Variants in CNTF observed in about 807,000 individuals in gnomAD.
The protein encoded by CNTF is Ciliary Neuronotrophic Factor.
In CNTF, 14 loss-of-function variants were observed where a neutral mutation model predicts 13.0. The observed-to-expected ratio is 1.07, with a 90% CI of 0.71 to 1.68. CNTF has a LOEUF of 1.68. CNTF is among the 40% of genes most tolerant of loss of function. CNTF has a pLI of 0.00. For missense variants in CNTF, 283 were observed against 252.5 expected (o/e 1.12, Z -0.82); for synonymous variants, 98 against 92.4 (o/e 1.06, Z -0.35).
In CNTF at chr11:58,624,192, A is replaced by G; in HGVS notation, c.273A>G (p.Leu91=). 6.2e-7 allele frequency: 1 copy of G among 1,614,024 alleles called. No homozygotes were observed. The highest frequency in any genetic ancestry group is 1.3e-5 in the African/African-American group (1 of 74,986). Residue 91 remains leucine (L), a synonymous_variant, in exon 2 of 2, where the codon TTA becomes TTG. Transcript: ENST00000361987. ...RTFHVLLARL[L]EDQQVHFTPT... Reference sequence around the variant, plus strand: ...TCCATGTTTTGTTGGCCAGGCTCTTAGAAGACCAGCAGGTGCATTTTACCC... The same window carrying G: ...TCCATGTTTTGTTGGCCAGGCTCTTGGAAGACCAGCAGGTGCATTTTACCC...
In CNTF at chr11:58,624,365, G is replaced by C. The variant is rs764402812; in HGVS notation, c.446G>C (p.Gly149Ala). 1.9e-6 allele frequency: 3 copies of C among 1,613,904 alleles called. No homozygotes were observed. Among genetic ancestry groups the C allele is most frequent in the Non-Finnish European group, 2.5e-6 (3 of 1,180,020 alleles). ...ADGMPINVGD[G>A]GLFEKKLWGL... ...GGGATGCCTATTAATGTTGGAGATG[G>C]TGGTCTCTTTGAGAAGAAGCTGTGG... Residue 149 changes from glycine (G) to alanine (A), a missense_variant, in exon 2 of 2, where the codon GGT (glycine) becomes GCT (alanine). Transcript: ENST00000361987.
intron 1 of CNTF, among the ~76,000 whole-genome samples, chr11:58,623,695 A>G (rs1855885578): frequency 6.6e-6 from 1 of 152,212 alleles, no homozygotes; most frequent in African/African-American, 2.4e-5. Flanking sequence ...AAGTATGTTT[A>G]AAAATACTTT....
Position 58,624,810 on chromosome 11 carries a change from C to T in CNTF, c.*288C>T. ...GAGTGGGAGCAGGGACAACGTCCTT[C>T]CACTTCAGGGTTCTAACCTTTCTAA... On this transcript the variant is annotated 3_prime_UTR_variant, in exon 2 of 2. Transcript: ENST00000361987. The T allele has an allele frequency of 2.6e-6, 1 of 388,764 alleles. No homozygotes were observed. Among genetic ancestry groups the T allele is most frequent in the Admixed American group, 4.0e-5 (1 of 25,044 alleles). The allele number at this position is 388,764 out of a possible 1,614,324, so 24.1% of individuals were successfully genotyped here.
rs1855897754 is a variant in CNTF, at chr11:58,624,318, G to C, written c.399G>C (p.Lys133Asn). The C allele has an allele frequency of 2.5e-6, 4 of 1,613,700 alleles. No homozygotes were observed. Among genetic ancestry groups the C allele is most frequent in the Non-Finnish European group, 2.5e-6 (3 of 1,179,970 alleles). The change falls in exon 2 of 2, where the codon AAG (lysine) becomes AAC (asparagine). Residue 133 changes from lysine (K) to asparagine (N), a missense_variant. Transcript: ENST00000361987. ...IEELMILLEY[K>N]IPRNEADGMP... ...AGTTAATGATACTCCTGGAATACAA[G>C]ATCCCCCGCAATGAGGCTGATGGGA...
At position 58,624,942 on chromosome 11, in the gene CNTF, G is replaced by T; in HGVS notation, c.*420G>T. The T allele has an allele frequency of 5.4e-6, 1 of 183,770 alleles. No individual in the cohort carries two copies. The highest frequency in any genetic ancestry group is 1.5e-4 in the East Asian group (1 of 6,562). The allele number at this position is 183,770 out of a possible 1,614,324, so 11.4% of individuals were successfully genotyped here. A position where few individuals can be genotyped will look rare whatever the true frequency, so the allele number is the denominator to read the frequency against. Reference sequence around the variant, plus strand: ...TCTGAGAAGATTCAATTTAAAATCAGACTCTTTAGTTGATTTAAACTCTTA... The same window carrying T: ...TCTGAGAAGATTCAATTTAAAATCATACTCTTTAGTTGATTTAAACTCTTA... On this transcript the variant is annotated 3_prime_UTR_variant, in exon 2 of 2. Coordinates refer to ENST00000361987, the MANE Select transcript of CNTF (RefSeq NM_000614.4).
At position 58,624,651 on chromosome 11, in the gene CNTF, T is replaced by C. The variant is rs1855905634; in HGVS notation, c.*129T>C. On this transcript the variant is annotated 3_prime_UTR_variant, in exon 2 of 2. Coordinates refer to ENST00000361987, the MANE Select transcript of CNTF (RefSeq NM_000614.4). Reference sequence around the variant, plus strand: ...ACAGGCATTTTCTTTCTTTTTTCTCTGACCACCTGCAGCCTGTTGAAGGAC... The same window carrying C: ...ACAGGCATTTTCTTTCTTTTTTCTCCGACCACCTGCAGCCTGTTGAAGGAC... 9.1e-7 allele frequency: 1 copy of C among 1,097,062 alleles called. No individual in the cohort carries two copies. The highest frequency in any genetic ancestry group is 1.6e-5 in the African/African-American group (1 of 63,860). 68.0% of individuals were successfully genotyped at this position (1,097,062 alleles called of 1,614,324 possible).
In CNTF at chr11:58,622,770, T is replaced by G. The variant is rs1181197228; in HGVS notation, c.18T>G (p.His6Gln). The G allele has an allele frequency of 6.2e-7, 1 of 1,613,932 alleles. No individual in the cohort carries two copies. Among genetic ancestry groups the G allele is most frequent in the South Asian group, 1.1e-5 (1 of 91,062 alleles). The change falls in exon 1 of 2, where the codon CAT becomes CAG. Residue 6 changes from histidine (H) to glutamine (Q), a missense_variant. Physicochemically the swap from His to Gln is conservative, Grantham distance 24. Transcript: ENST00000361987. ...GTTAAGGGATGGCTTTCACAGAGCA[T>G]TCACCGCTGACCCCTCACCGTCGGG... MAFTEHSPLTPHRRDL... is the reference protein window; with the variant it reads MAFTEQSPLTPHRRDL...
Position 58,624,190 on chromosome 11 carries a change from T to C in CNTF, c.271T>C (p.Leu91=). The C allele has an allele frequency of 6.2e-7, 1 of 1,614,018 alleles. No homozygotes were observed. The highest frequency in any genetic ancestry group is 8.5e-7 in the Non-Finnish European group (1 of 1,179,990). ...RTFHVLLARL[L]EDQQVHFTPT... is the part of the protein sequence containing the mutation. ...CTTCCATGTTTTGTTGGCCAGGCTC[T>C]TAGAAGACCAGCAGGTGCATTTTAC... Residue 91 remains leucine, a synonymous_variant, in exon 2 of 2, where the codon TTA becomes CTA. Transcript: ENST00000361987.
In CNTF at chr11:58,624,201, G is replaced by C; in HGVS notation, c.282G>C (p.Gln94His). ...TGTTGGCCAGGCTCTTAGAAGACCA[G>C]CAGGTGCATTTTACCCCAACCGAAG... ...HVLLARLLED[Q>H]QVHFTPTEGD... is the part of the protein sequence containing the mutation. Residue 94 changes from glutamine to histidine, a missense_variant, in exon 2 of 2, where the codon CAG (glutamine) becomes CAC (histidine). By Grantham distance (24) the Gln-to-His change is conservative. Transcript: ENST00000361987. The C allele has an allele frequency of 6.2e-7, 1 of 1,614,000 alleles. No individual in the cohort carries two copies. Among genetic ancestry groups the C allele is most frequent in the African/African-American group, 1.3e-5 (1 of 74,974 alleles).
At position 58,624,728 on chromosome 11, in the gene CNTF, A is replaced by T. The variant is rs1178173307; in HGVS notation, c.*206A>T. 1 of 562,770 alleles carries T rather than the reference A, an allele frequency of 1.8e-6. No homozygotes were observed. The highest frequency in any genetic ancestry group is 3.1e-6 in the Non-Finnish European group (1 of 322,348). The allele number at this position is 562,770 out of a possible 1,614,324, so 34.9% of individuals were successfully genotyped here. ...GGAGACATACACAAATGGGCATACA[A>T]GTTTAGCCTGGGGGGTGTGATTTGT... On this transcript the variant is annotated 3_prime_UTR_variant, in exon 2 of 2. Coordinates refer to ENST00000361987, the MANE Select transcript of CNTF (RefSeq NM_000614.4).
rs1454303564 is a variant in CNTF, at chr11:58,624,790, G to A, written c.*268G>A. On this transcript the variant is annotated 3_prime_UTR_variant, in exon 2 of 2. Transcript: ENST00000361987. ...CATGTGCTGCAGGTGTAAGAGAGTGGGAGCAGGGACAACGTCCTTCCACTT... is the reference window on the plus strand; with the variant it reads ...CATGTGCTGCAGGTGTAAGAGAGTGAGAGCAGGGACAACGTCCTTCCACTT... The A allele has an allele frequency of 2.4e-6, 1 of 421,446 alleles. No homozygotes were observed. Among genetic ancestry groups the A allele is most frequent in the Non-Finnish European group, 4.4e-6 (1 of 228,238 alleles). The allele number at this position is 421,446 out of a possible 1,614,324, so 26.1% of individuals were successfully genotyped here.
At position 58,624,336 on chromosome 11, in the gene CNTF, T is replaced by C. The variant is rs1855898209; in HGVS notation, c.417T>C (p.Ala139=). The part of the protein sequence containing the change: ...LLEYKIPRNE[A]DGMPINVGDG... ...AATACAAGATCCCCCGCAATGAGGC[T>C]GATGGGATGCCTATTAATGTTGGAG... The change falls in exon 2 of 2, where the codon GCT becomes GCC. Residue 139 remains alanine (A), a synonymous_variant. Transcript: ENST00000361987. 1.2e-6 allele frequency: 2 copies of C among 1,613,852 alleles called. No homozygotes were observed. The highest frequency in any genetic ancestry group is 1.7e-6 in the Non-Finnish European group (2 of 1,179,974).
chr11:58,622,806 C>T lies in CNTF; in HGVS notation c.54C>T (p.Ser18=). The T allele has an allele frequency of 6.2e-7, 1 of 1,614,058 alleles. No homozygotes were observed. The highest frequency in any genetic ancestry group is 1.1e-5 in the South Asian group (1 of 91,068). ...PLTPHRRDLC[S]RSIWLARKIR... is the part of the protein sequence containing the mutation. Reference sequence around the variant, plus strand: ...CCCCTCACCGTCGGGACCTCTGTAGCCGCTCTATCTGGCTAGCAAGGAAGA... The same window carrying T: ...CCCCTCACCGTCGGGACCTCTGTAGTCGCTCTATCTGGCTAGCAAGGAAGA... The change falls in exon 1 of 2, where the codon AGC becomes AGT. Residue 18 remains serine, a synonymous_variant. Transcript: ENST00000361987.
chr11:58,622,924 T>C, intron 1 of CNTF, 58 bp downstream of exon 1: 2 of 1,195,492 alleles, frequency 1.7e-6, no homozygotes, highest in Non-Finnish European at 2.5e-6. Flanking sequence ...ATCCAGCAAC[T>C]TACCATCACG....
At position 58,624,423 on chromosome 11, in the gene CNTF, G is replaced by T; in HGVS notation, c.504G>T (p.Trp168Cys). Residue 168 changes from tryptophan to cysteine, a missense_variant, in exon 2 of 2, where the codon TGG (tryptophan) becomes TGT (cysteine). By Grantham distance (215) the Trp-to-Cys change is radical. Coordinates refer to ENST00000361987, the MANE Select transcript of CNTF (RefSeq NM_000614.4). The part of the protein sequence containing the change: ...GLKVLQELSQ[W>C]TVRSIHDLRF... ...AGGTGCTGCAGGAGCTTTCACAGTG[G>T]ACAGTAAGGTCCATCCATGACCTTC... The T allele has an allele frequency of 1.2e-6, 2 of 1,613,996 alleles. No individual in the cohort carries two copies.
Position 58,624,868 on chromosome 11 carries a change from C to T in CNTF, c.*346C>T. The T allele has an allele frequency of 7.3e-6, 2 of 272,788 alleles. No homozygotes were observed. The highest frequency in any genetic ancestry group is 8.6e-5 in the South Asian group (2 of 23,360). The allele number at this position is 272,788 out of a possible 1,614,324, so 16.9% of individuals were successfully genotyped here. A position where few individuals can be genotyped will look rare whatever the true frequency, so the allele number is the denominator to read the frequency against. On this transcript the variant is annotated 3_prime_UTR_variant, in exon 2 of 2. Transcript: ENST00000361987. The stretch of plus-strand genomic sequence containing the variant: ...AGTAACCTCTACAGGCATTTAACTG[C>T]CTTACAGACAGAATATACATATGTT...
chr11:58,624,402 G>A lies in CNTF; in HGVS notation c.483G>A (p.Val161=), dbSNP rs766490076. ...LFEKKLWGLK[V]LQELSQWTVR... is the part of the protein sequence containing the mutation. ...AGAAGAAGCTGTGGGGCCTAAAGGT[G>A]CTGCAGGAGCTTTCACAGTGGACAG... Residue 161 remains valine, a synonymous_variant, in exon 2 of 2, where the codon GTG becomes GTA. Transcript: ENST00000361987. 7 of 1,613,878 alleles carry A rather than the reference G, an allele frequency of 4.3e-6. No individual in the cohort carries two copies. The Admixed American group carries it at 6.7e-5, about 15-fold the overall frequency.
At position 58,625,267 on chromosome 11, in the gene CNTF, T is replaced by C. The variant is rs1855915356; in HGVS notation, c.*745T>C. 1.3e-5 allele frequency: 2 copies of C among 152,256 alleles called. No individual in the cohort carries two copies. The highest frequency in any genetic ancestry group is 4.8e-5 in the African/African-American group (2 of 41,468). The allele number at this position is 152,256 out of a possible 1,614,324, so 9.4% of individuals were successfully genotyped here. A position where few individuals can be genotyped will look rare whatever the true frequency, so the allele number is the denominator to read the frequency against. On this transcript the variant is annotated 3_prime_UTR_variant, in exon 2 of 2. Transcript: ENST00000361987. ...CACAGGGTGTTGGAAGATGCATCCA[T>C]GTAATCTATTCCCATCGCTGGAAAA...
In CNTF at chr11:58,624,006, T is replaced by C. The variant is rs199671399; in HGVS notation, c.115-28T>C. 2.4e-5 allele frequency: 38 copies of C among 1,607,800 alleles called. No individual in the cohort carries two copies. In the Admixed American group the frequency reaches 4.7e-4, roughly 20 times the overall value. ...AGGACACTGGGGTGATGACAGAAGATGTGGTGTTTTCCTGTATCCTCGGCC... is the reference window on the plus strand; with the variant it reads ...AGGACACTGGGGTGATGACAGAAGACGTGGTGTTTTCCTGTATCCTCGGCC... On this transcript the variant is annotated intron_variant, in intron 1 of 1. Transcript: ENST00000361987.
Sources: gnomAD v4.1 joint callset for allele counts (sites outside exome capture counted in the v4.1 genomes callset) on GRCh38, gnomAD v4.1.1 for gene constraint, MANE v1.5 for transcripts, NCBI Gene and HGNC (gene_info 2026-07-23, HGNC 2026-07-21) for gene names.